Variants in AP3B1 observed in about 807,000 individuals in gnomAD.
The protein encoded by AP3B1 is adaptor related protein complex 3 subunit beta 1.
Under a neutral mutation model 132.5 loss-of-function variants are expected in AP3B1, and 61 were observed. The observed-to-expected ratio is 0.46, with a 90% CI of 0.37 to 0.57. The LOEUF is 0.57. Among genes scored for constraint, AP3B1 ranks in the 20% least tolerant of loss-of-function variants. The probability of loss-of-function intolerance (pLI) is 0.00; values close to 1 mark genes in which losing one functional copy is unlikely to be tolerated. For missense variants in AP3B1, 1,120 were observed against 1,289.4 expected (o/e 0.87, Z 2.01); for synonymous variants, 388 against 438.3 (o/e 0.89, Z 1.43).
intron 21 of AP3B1, among the ~76,000 whole-genome samples, chr5:78,090,765 AGATAAT>A (rs1034849910): frequency 6.6e-6 from 1 of 152,192 alleles, no homozygotes; most frequent in African/African-American, 2.4e-5. Context: ...TCTCATTCCA[AGATAAT>A]ACCCTAAAGG....
chr5:78,230,425 T>C (rs958357038), intron 3 of AP3B1, among the ~76,000 whole-genome samples: 2 of 150,582 alleles, frequency 1.3e-5, no homozygotes, highest in South Asian at 4.2e-4. Flanking sequence ...CCATCTATAC[T>C]ATACGGGTAG....
chr5:78,288,180 A>T (rs753265069), intron 1 of AP3B1, among the ~76,000 whole-genome samples: 11 of 152,238 alleles, frequency 7.2e-5, no homozygotes, highest in Non-Finnish European at 1.2e-4. Context: ...AAAGGCTTAT[A>T]ACAAATAATT....
intron 22 of AP3B1, among the ~76,000 whole-genome samples, chr5:78,056,901 C>T (rs573353257): frequency 6.6e-5 from 10 of 152,086 alleles, no homozygotes; most frequent in Non-Finnish European, 5.9e-5. Context: ...TACTACAAGC[C>T]GAAAATGGAC....
chr5:78,094,502 T>C (rs1165933305), intron 21 of AP3B1, among the ~76,000 whole-genome samples: 3 of 152,030 alleles, frequency 2.0e-5, no homozygotes, highest in Admixed American at 1.3e-4. Context: ...AATAGAGAAA[T>C]AGTAAGAGAA....
At chr5:78,134,187 C>G (rs903998659) in intron 15 of AP3B1, among the ~76,000 whole-genome samples, 4 of 146,830 alleles carry the variant, frequency 2.7e-5, no homozygotes, top group African/African-American at 1.0e-4. Flanking sequence ...ATTTAAAAGA[C>G]TTCTCAAAAT....
chr5:78,085,506 T>A (rs956975487), intron 22 of AP3B1, among the ~76,000 whole-genome samples: 3 of 152,164 alleles, frequency 2.0e-5, no homozygotes, highest in Non-Finnish European at 2.9e-5. Flanking sequence ...AGACAGAACA[T>A]TATCAGCACC....
intron 11 of AP3B1, among the ~76,000 whole-genome samples, chr5:78,173,056 C>T (rs955154035): frequency 1.3e-5 from 2 of 152,144 alleles, no homozygotes; most frequent in African/African-American, 2.4e-5. Context: ...TCAGTTTCCA[C>T]GCAGTTGTGC....
chr5:78,190,995 T>C (rs1191896780), intron 7 of AP3B1, among the ~76,000 whole-genome samples: 1 of 152,210 alleles, frequency 6.6e-6, no homozygotes, highest in Non-Finnish European at 1.5e-5. Context: ...TGAACCATAA[T>C]GTATTGTTTG....
intron 3 of AP3B1, among the ~76,000 whole-genome samples, chr5:78,230,752 G>A (rs957420114): frequency 6.6e-6 from 1 of 152,094 alleles, no homozygotes; most frequent in Non-Finnish European, 1.5e-5. Context: ...GTAAACAAAT[G>A]ACAGTTCCTC....
intron 11 of AP3B1, among the ~76,000 whole-genome samples, chr5:78,169,837 A>C (rs189508071): frequency 6.0e-4 from 92 of 152,162 alleles, no homozygotes; most frequent in African/African-American, 2.2e-3. Context: ...TACATGTGCC[A>C]TGTTGGTTTG....
intron 24 of AP3B1, among the ~76,000 whole-genome samples, chr5:78,032,723 C>A (rs775298645): frequency 6.6e-6 from 1 of 151,540 alleles, no homozygotes; most frequent in Non-Finnish European, 1.5e-5. Context: ...TGCTGTTGTG[C>A]TTAACAAAAT....
chr5:78,156,122 G>A (rs1476690047), intron 14 of AP3B1, 136 bp downstream of exon 14: 1 of 681,974 alleles, frequency 1.5e-6, no homozygotes, highest in Non-Finnish European at 2.6e-6. Flanking sequence ...ATAACAGCAA[G>A]AAATCTTAGA....
chr5:78,114,026 T>C lies in AP3B1; in HGVS notation c.2078-103A>G, dbSNP rs74933812. On this transcript the variant is annotated intron_variant, in intron 18 of 26. Coordinates refer to ENST00000255194, the MANE Select transcript of AP3B1 (RefSeq NM_003664.5). ...ATCACAAATGAAACCAGATGTTGAA[T>C]TTTAGTTCAGTGGACACCACTTGTT... 11,664 of 1,345,412 alleles carry C rather than the reference T, an allele frequency of 8.7e-3. 519 individuals are homozygous for C. In the African/African-American group the frequency reaches 0.12, roughly 13 times the overall value. The allele number at this position is 1,345,412 out of a possible 1,614,324, so 83.3% of individuals were successfully genotyped here. A position where few individuals can be genotyped will look rare whatever the true frequency, so the allele number is the denominator to read the frequency against.
At chr5:78,054,765 C>A (rs2112131734) in intron 22 of AP3B1, among the ~76,000 whole-genome samples, 1 of 152,120 alleles carries the variant, frequency 6.6e-6, no homozygotes, top group East Asian at 1.9e-4. Flanking sequence ...GCGGATGTCA[C>A]CTAGAAGAGG....
intron 6 of AP3B1, among the ~76,000 whole-genome samples, chr5:78,221,734 A>C (rs548158886): frequency 2.3e-4 from 35 of 152,032 alleles, no homozygotes; most frequent in African/African-American, 6.7e-4. Context: ...TCCCTGAAAA[A>C]GAAAAAAAAT....
At chr5:78,264,414 C>T (rs942782275) in intron 2 of AP3B1, among the ~76,000 whole-genome samples, 1 of 152,124 alleles carries the variant, frequency 6.6e-6, no homozygotes, top group African/African-American at 2.4e-5. Flanking sequence ...TAAGAATCAA[C>T]AGTCAAGAAT....
At chr5:78,013,964 C>T (rs1746738643) in intron 26 of AP3B1, among the ~76,000 whole-genome samples, 1 of 152,128 alleles carries the variant, frequency 6.6e-6, no homozygotes, top group East Asian at 1.9e-4. Context: ...GAGATCGAGA[C>T]CATCCTGGCT....
chr5:78,280,653 A>C (rs1466830332), intron 1 of AP3B1, among the ~76,000 whole-genome samples: 2 of 151,814 alleles, frequency 1.3e-5, no homozygotes, highest in East Asian at 3.8e-4. Context: ...TGCCAACTCA[A>C]AGCTAGATTA....
chr5:78,293,165 C>T (rs1367850853), intron 1 of AP3B1, among the ~76,000 whole-genome samples: 1 of 152,206 alleles, frequency 6.6e-6, no homozygotes, highest in Non-Finnish European at 1.5e-5. Flanking sequence ...AGGCGTGAGC[C>T]GCAGTGCCTG....
Sources: gnomAD v4.1 joint callset for allele counts (sites outside exome capture counted in the v4.1 genomes callset) on GRCh38, gnomAD v4.1.1 for gene constraint, MANE v1.5 for transcripts, NCBI Gene and HGNC (gene_info 2026-07-23, HGNC 2026-07-21) for gene names.